The following PRKDC variants were observed in gnomAD, a reference collection of about 807,000 sequenced individuals.
PRKDC encodes DNA-dependent protein kinase catalytic subunit.
PRKDC carries 82 observed loss-of-function variants against 486.9 expected under a neutral mutation model. The observed-to-expected ratio is 0.17, with a 90% CI of 0.14 to 0.20. The LOEUF is 0.20. PRKDC is among the 10% of genes least tolerant of loss of function. PRKDC has a pLI of 1.00. For synonymous variants in PRKDC, 1,895 were observed against 1,837.0 expected, an observed-to-expected ratio of 1.03 and a Z score of -0.81; for missense variants, 4,504 against 5,038.2, an observed-to-expected ratio of 0.89 and a Z score of 3.21.
At chr8:47,819,202 G>T (rs1357261475) in intron 67 of PRKDC, among the ~76,000 whole-genome samples, 200 bp downstream of exon 67, 1 of 152,136 alleles carries the variant, frequency 6.6e-6, no homozygotes, top group Non-Finnish European at 1.5e-5. Context: ...TCACTTTGCA[G>T]CCCTGATGCC....
chr8:47,933,409 C>T (rs987355505), intron 15 of PRKDC, among the ~76,000 whole-genome samples: 1 of 152,182 alleles, frequency 6.6e-6, no homozygotes, highest in Non-Finnish European at 1.5e-5. Flanking sequence ...CAAATACTTA[C>T]TCTGTATACA....
intron 67 of PRKDC, among the ~76,000 whole-genome samples, chr8:47,818,944 G>T (rs1328297176): frequency 1.3e-5 from 2 of 152,204 alleles, no homozygotes; most frequent in Non-Finnish European, 2.9e-5. Flanking sequence ...CCTGATGTGG[G>T]CCCTGCTGCC....
intron 13 of PRKDC, among the ~76,000 whole-genome samples, 156 bp from the exon 14 acceptor site, chr8:47,935,214 A>T (rs994858519): frequency 6.6e-6 from 1 of 152,194 alleles, no homozygotes; most frequent in Non-Finnish European, 1.5e-5. Flanking sequence ...AAAACTTAAA[A>T]CTATTGGCCA....
At position 47,828,210 on chromosome 8, in the gene PRKDC, A is replaced by G. The variant is rs2087780746; in HGVS notation, c.8535T>C (p.Asn2845=). Residue 2845 remains asparagine, a synonymous_variant, in exon 62 of 86, where the codon AAT becomes AAC. Coordinates refer to ENST00000314191, the MANE Select transcript of PRKDC (RefSeq NM_006904.7). ...AGGGTGGAAAGAAAGAGAAGGTGGT[A>G]TTAAGAAAACGATTGAAGTCTTGAA... The part of the protein sequence containing the change: ...KLLQDFNRFL[N]TTFSFFPPFV... 6.8e-6 allele frequency: 11 copies of G among 1,613,918 alleles called. No individual in the cohort carries two copies. Among genetic ancestry groups the G allele is most frequent in the Non-Finnish European group, 9.3e-6 (11 of 1,179,808 alleles).
At chr8:47,837,873 G>C (rs751209770) in intron 56 of PRKDC, among the ~76,000 whole-genome samples, 2 of 152,094 alleles carry the variant, frequency 1.3e-5, no homozygotes. Flanking sequence ...CAGTGGCTCA[G>C]GCGTGTAATC....
intron 22 of PRKDC, among the ~76,000 whole-genome samples, chr8:47,916,850 T>A (rs1305892069): frequency 1.3e-5 from 2 of 152,202 alleles, no homozygotes; most frequent in East Asian, 3.8e-4. Context: ...TTCTCCATCA[T>A]AATACCGTGG....
At position 47,858,864 on chromosome 8, in the gene PRKDC, C is replaced by T. The variant is rs748977028; in HGVS notation, c.6330G>A (p.Pro2110=). 1.2e-6 allele frequency: 2 copies of T among 1,613,268 alleles called. No individual in the cohort carries two copies. ...LVKHMHRSLG[P]PQGEEDSVPR... is the part of the protein sequence containing the mutation. ...GGAAAAGCACCTCTTCTCCTTGAGGCGGGCCCAGGCTTCTGTGCATGTGCT... is the reference window on the plus strand; with the variant it reads ...GGAAAAGCACCTCTTCTCCTTGAGGTGGGCCCAGGCTTCTGTGCATGTGCT... Residue 2110 remains proline (P), a synonymous_variant, in exon 47 of 86, where the codon CCG becomes CCA. Coordinates refer to ENST00000314191, the MANE Select transcript of PRKDC (RefSeq NM_006904.7).
intron 27 of PRKDC, among the ~76,000 whole-genome samples, chr8:47,900,713 G>A (rs1209221561): frequency 1.3e-5 from 2 of 152,060 alleles, no homozygotes; most frequent in Non-Finnish European, 2.9e-5. Flanking sequence ...GCTGGGCGCG[G>A]TGGCAGGCGC....
chr8:47,928,648 G>A (rs898576647), intron 19 of PRKDC, among the ~76,000 whole-genome samples: 1 of 151,566 alleles, frequency 6.6e-6, no homozygotes, highest in Non-Finnish European at 1.5e-5. Flanking sequence ...CATCTCCCGG[G>A]TTCAAGCGAT....
chr8:47,844,906 G>A (rs989550907), intron 54 of PRKDC, among the ~76,000 whole-genome samples: 2 of 151,976 alleles, frequency 1.3e-5, no homozygotes, highest in South Asian at 2.1e-4. Context: ...ATCAAACATC[G>A]CATATAAACT....
At chr8:47,957,529 G>A (rs1397175238) in intron 1 of PRKDC, 98 bp from the exon 2 acceptor site, 1 of 1,034,332 alleles carries the variant, frequency 9.7e-7, no homozygotes, top group East Asian at 2.7e-5. Flanking sequence ...TATTTTTTTT[G>A]AGATGGAGTC....
In PRKDC at chr8:47,889,113, T is replaced by A; in HGVS notation, c.4181A>T (p.His1394Leu). ...CAGATTCACACAAACATCAGGAAGA[T>A]GAGCCATAACCTGGACGTCTCCGAT... is the stretch of plus-strand genomic sequence containing the variant. ...FNIGDVQVMA[H>L]LPDVCVNLMK... The change falls in exon 33 of 86, where the codon CAT (histidine) becomes CTT (leucine). Residue 1394 changes from histidine to leucine, a missense_variant. Around this residue, in one of 6 missense-constraint regions of PRKDC, gnomAD observed 1,969 missense variants for 2,068.9 expected, o/e 0.95. Transcript: ENST00000314191. 6.2e-7 allele frequency: 1 copy of A among 1,613,840 alleles called. No individual in the cohort carries two copies.
chr8:47,821,579 A>C, intron 65 of PRKDC, 25 bp downstream of exon 65: 1 of 1,557,768 alleles, frequency 6.4e-7, no homozygotes, highest in Non-Finnish European at 8.7e-7. Flanking sequence ...TAATTATTTC[A>C]ATCACTTAAA....
intron 26 of PRKDC, among the ~76,000 whole-genome samples, chr8:47,904,631 G>T (rs1177702420): frequency 6.6e-6 from 1 of 152,118 alleles, no homozygotes; most frequent in Non-Finnish European, 1.5e-5. Flanking sequence ...GTCTCTGATT[G>T]AAATACAAAA....
Position 47,939,593 on chromosome 8 carries a change from CTTG to C in PRKDC, c.1068_1070del (p.Asn356del), listed in dbSNP as rs2090408107. On this transcript the variant is annotated inframe_deletion, in exon 11 of 86. Coordinates refer to ENST00000314191, the MANE Select transcript of PRKDC (RefSeq NM_006904.7). ...ATCCACGGATAGCAATAGATAACTC[CTTG>C]TTGTTCGAATCCACATTTCTGATGA... 7 of 1,613,614 alleles carry C rather than the reference CTTG, an allele frequency of 4.3e-6. No individual in the cohort carries two copies. The highest frequency in any genetic ancestry group is 5.9e-6 in the Non-Finnish European group (7 of 1,179,634).
intron 52 of PRKDC, among the ~76,000 whole-genome samples, chr8:47,850,860 A>G (rs1282804527): frequency 3.3e-5 from 5 of 152,098 alleles, no homozygotes; most frequent in African/African-American, 1.2e-4. Flanking sequence ...CCCAGGCTGG[A>G]GTGCAGTGGT....
At chr8:47,876,143 C>G (rs2089088197) in intron 40 of PRKDC, among the ~76,000 whole-genome samples, 1 of 152,072 alleles carries the variant, frequency 6.6e-6, no homozygotes, top group Non-Finnish European at 1.5e-5. Flanking sequence ...TGGGGTCTTA[C>G]TGGGGAATAA....
chr8:47,867,517 T>G (rs566740747), intron 40 of PRKDC, among the ~76,000 whole-genome samples: 42 of 152,316 alleles, frequency 2.8e-4, no homozygotes, highest in African/African-American at 8.9e-4. Flanking sequence ...ATAGCTAAAA[T>G]GAAAAATTTA....
intron 16 of PRKDC, among the ~76,000 whole-genome samples, chr8:47,932,298 T>C (rs1396555973): frequency 1.3e-5 from 2 of 152,182 alleles, no homozygotes; most frequent in Admixed American, 6.5e-5. Flanking sequence ...TTAGCCAGGA[T>C]GGTCTCGATC....
Sources: gnomAD v4.1 joint callset for allele counts (sites outside exome capture counted in the v4.1 genomes callset) on GRCh38, gnomAD v4.1.1 for gene constraint, gnomAD v4.1.1 regional missense constraint, MANE v1.5 for transcripts, NCBI Gene and HGNC (gene_info 2026-07-23, HGNC 2026-07-21) for gene names.